ARHGAP15: variants seen among roughly 807,000 people sequenced by gnomAD.
ARHGAP15 encodes Rho GTPase activating protein 15.
A neutral mutation model predicts 63.7 loss-of-function variants in ARHGAP15; 51 were observed. The observed-to-expected ratio is 0.80, with a 90% confidence interval of 0.64 to 1.01. The LOEUF (loss-of-function observed/expected upper bound fraction) is 1.01, where lower values mean the gene tolerates loss of function less well. Among genes scored for constraint, ARHGAP15 ranks in the 50% least tolerant of loss-of-function variants. The pLI is 0.00. For synonymous variants in ARHGAP15, 191 were observed against 193.8 expected (o/e 0.99, Z 0.12); for missense variants, 560 against 564.6 (o/e 0.99, Z 0.08).
chr2:143,213,771 C>T (rs189574621), intron 3 of ARHGAP15, among the ~76,000 whole-genome samples: 303 of 152,298 alleles, frequency 2.0e-3, no homozygotes, highest in African/African-American at 6.9e-3. Context: ...CTATTCAGTC[C>T]GTCCTCATTT....
chr2:143,353,379 A>T (rs1685661310), intron 6 of ARHGAP15, among the ~76,000 whole-genome samples: 1 of 152,208 alleles, frequency 6.6e-6, no homozygotes, highest in Admixed American at 6.5e-5. Context: ...TGTGCTATAA[A>T]GGGTTTTGGT....
chr2:143,714,280 G>A (rs1045413582), intron 13 of ARHGAP15, among the ~76,000 whole-genome samples: 22 of 152,302 alleles, frequency 1.4e-4, no homozygotes, highest in African/African-American at 2.6e-4. Context: ...CAAACTCTAC[G>A]TTGGCCCCTT....
chr2:143,683,756 A>G (rs1193326444), intron 12 of ARHGAP15, among the ~76,000 whole-genome samples: 1 of 152,160 alleles, frequency 6.6e-6, no homozygotes, highest in Non-Finnish European at 1.5e-5. Flanking sequence ...AATATATCTC[A>G]TTTCTATATT....
intron 13 of ARHGAP15, among the ~76,000 whole-genome samples, chr2:143,709,251 G>C (rs1286629428): frequency 6.6e-6 from 1 of 152,176 alleles, no homozygotes; most frequent in Non-Finnish European, 1.5e-5. Flanking sequence ...TCTCAAATTT[G>C]TGAGGGGGGT....
chr2:143,182,551 G>A (rs1691282175), intron 2 of ARHGAP15, among the ~76,000 whole-genome samples: 1 of 152,148 alleles, frequency 6.6e-6, no homozygotes, highest in African/African-American at 2.4e-5. Flanking sequence ...AGTTATTGCA[G>A]GATCAACTTT....
chr2:143,324,988 A>T (rs1339679741), intron 6 of ARHGAP15, among the ~76,000 whole-genome samples: 1 of 152,192 alleles, frequency 6.6e-6, no homozygotes, highest in Admixed American at 6.5e-5. Flanking sequence ...TGTGCACAAT[A>T]GGTCACAAGT....
At chr2:143,751,050 A>G (rs1686352772) in intron 13 of ARHGAP15, among the ~76,000 whole-genome samples, 1 of 152,186 alleles carries the variant, frequency 6.6e-6, no homozygotes, top group South Asian at 2.1e-4. Context: ...CCCAGAGCTC[A>G]TGGTTGCTGT....
intron 12 of ARHGAP15, among the ~76,000 whole-genome samples, chr2:143,687,964 T>G (rs1260650165): frequency 2.0e-5 from 3 of 152,138 alleles, no homozygotes; most frequent in Non-Finnish European, 4.4e-5. Context: ...TTGCTTCTTT[T>G]TACAGATTAA....
At chr2:143,574,086 G>C (rs1224568389) in intron 11 of ARHGAP15, among the ~76,000 whole-genome samples, 1 of 152,110 alleles carries the variant, frequency 6.6e-6, no homozygotes, top group Admixed American at 6.6e-5. Context: ...GAAAATAGTG[G>C]TACCTGAACC....
intron 13 of ARHGAP15, among the ~76,000 whole-genome samples, chr2:143,742,628 G>A (rs1416106127): frequency 6.6e-6 from 1 of 152,212 alleles, no homozygotes; most frequent in African/African-American, 2.4e-5. Flanking sequence ...CCAATCTGAG[G>A]TGAACTGTCC....
intron 5 of ARHGAP15, among the ~76,000 whole-genome samples, chr2:143,235,090 C>T (rs1443627343): frequency 6.6e-6 from 1 of 151,974 alleles, no homozygotes; most frequent in Non-Finnish European, 1.5e-5. Flanking sequence ...TGGGAAAAGA[C>T]TTCATAAGAA....
chr2:143,531,628 T>C, intron 10 of ARHGAP15, among the ~76,000 whole-genome samples: 1 of 152,216 alleles, frequency 6.6e-6, no homozygotes, highest in Non-Finnish European at 1.5e-5. Context: ...CCTAACCTGC[T>C]AACTTGAAGG....
intron 6 of ARHGAP15, among the ~76,000 whole-genome samples, chr2:143,363,481 C>A (rs551030739): frequency 6.6e-6 from 1 of 152,112 alleles, no homozygotes; most frequent in African/African-American, 2.4e-5. Context: ...GATAACAGAG[C>A]AAGACTCTGT....
chr2:143,584,303 A>G (rs1036557145), intron 11 of ARHGAP15, among the ~76,000 whole-genome samples: 1 of 152,156 alleles, frequency 6.6e-6, no homozygotes, highest in Non-Finnish European at 1.5e-5. Flanking sequence ...TGCTATTGCA[A>G]TATAATCTGG....
At chr2:143,538,415 T>A (rs868099182) in intron 10 of ARHGAP15, among the ~76,000 whole-genome samples, 2 of 152,174 alleles carry the variant, frequency 1.3e-5, no homozygotes, top group African/African-American at 2.4e-5. Flanking sequence ...TCCAACACTA[T>A]GTTGAATAGG....
At chr2:143,136,728 T>C (rs2104983597) in intron 1 of ARHGAP15, among the ~76,000 whole-genome samples, 1 of 152,198 alleles carries the variant, frequency 6.6e-6, no homozygotes, top group South Asian at 2.1e-4. Context: ...TATATTACAT[T>C]TTGTTTACAA....
rs374704817 is a variant in ARHGAP15, at chr2:143,540,802, C to T, written c.926-15606C>T. On this transcript the variant is annotated intron_variant, in intron 10 of 13. Transcript: ENST00000295095. ...TAACCTGACCTTTCTCTCTGGCTGC[C>T]CTTAACATTTTTTCCTTCATTTCAA... is the stretch of plus-strand genomic sequence containing the variant. Among the ~76,000 whole-genome samples the T allele has an allele frequency of 1.4e-4, 22 of 152,176 alleles. No individual in the cohort carries two copies. The East Asian group carries it at 3.9e-3, about 27-fold the overall frequency.
intron 12 of ARHGAP15, among the ~76,000 whole-genome samples, chr2:143,677,985 A>T (rs143447670): frequency 6.6e-6 from 1 of 152,324 alleles, no homozygotes; most frequent in African/African-American, 2.4e-5. Context: ...AGGCGGGCAG[A>T]TCACTTGAGC....
intron 5 of ARHGAP15, among the ~76,000 whole-genome samples, chr2:143,244,046 C>A (rs956240258): frequency 2.6e-5 from 4 of 152,004 alleles, no homozygotes; most frequent in Non-Finnish European, 5.9e-5. Flanking sequence ...AATATTATTC[C>A]ATATGTACTT....
Sources: allele counts gnomAD v4.1 joint callset (sites outside exome capture counted in the v4.1 genomes callset), GRCh38; gene constraint gnomAD v4.1.1; transcripts MANE v1.5; gene names NCBI Gene and HGNC (gene_info 2026-07-23, HGNC 2026-07-21).